Variants in MTMR7 observed in about 807,000 individuals in gnomAD.
The protein encoded by MTMR7 is myotubularin related protein 7, also known as phosphatidylinositol-3-phosphate phosphatase MTMR7.
In MTMR7, 76 loss-of-function variants were observed where a neutral mutation model predicts 81.2. The ratio of observed to expected loss-of-function variants is 0.94; its 90% confidence interval spans 0.78 to 1.13. The LOEUF is 1.13. Among genes scored for constraint, MTMR7 ranks in the 50% most tolerant of loss-of-function variants. The probability of loss-of-function intolerance (pLI) is 0.00; values close to 1 mark genes in which losing one functional copy is unlikely to be tolerated. For synonymous variants in MTMR7, 372 were observed against 289.8 expected, an observed-to-expected ratio of 1.28 and a Z score of -2.88; for missense variants, 1,044 against 820.0, an observed-to-expected ratio of 1.27 and a Z score of -3.34.
intron 11 of MTMR7, among the ~76,000 whole-genome samples, chr8:17,305,268 C>T (rs1332833699): frequency 6.6e-6 from 1 of 152,208 alleles, no homozygotes; most frequent in African/African-American, 2.4e-5. Flanking sequence ...TGTATACTGC[C>T]TAAATCACTT....
chr8:17,313,119 A>T (rs148792753), intron 8 of MTMR7, among the ~76,000 whole-genome samples, 173 bp downstream of exon 8: 44 of 152,336 alleles, frequency 2.9e-4, no homozygotes, highest in African/African-American at 1.0e-3. Flanking sequence ...TAAGCATTGT[A>T]TTCTTTCGCA....
chr8:17,411,722 A>G (rs895874318), intron 1 of MTMR7, among the ~76,000 whole-genome samples: 10 of 152,204 alleles, frequency 6.6e-5, no homozygotes, highest in Non-Finnish European at 1.3e-4. Context: ...CACCAATTTT[A>G]AGAGTAAGAA....
chr8:17,302,256 G>A lies in MTMR7; in HGVS notation c.1518C>T (p.Arg506=), dbSNP rs1385195524. Residue 506 remains arginine (R), a synonymous_variant, in exon 13 of 14, where the codon CGC becomes CGT. Coordinates refer to ENST00000180173, the MANE Select transcript of MTMR7 (RefSeq NM_004686.5). ...GTCGGGGCTGCATCCCCTTTTCAAA[G>A]CGGTTATACATTCCACTCCAAAACC... ...MYKFWSGMYN[R]FEKGMQPRQS... is the part of the protein sequence containing the mutation. The A allele has an allele frequency of 6.2e-7, 1 of 1,613,858 alleles. No homozygotes were observed. The highest frequency in any genetic ancestry group is 1.7e-5 in the Admixed American group (1 of 59,988).
intron 1 of MTMR7, among the ~76,000 whole-genome samples, chr8:17,388,498 C>T (rs771921599): frequency 1.1e-4 from 17 of 152,136 alleles, no homozygotes; most frequent in Admixed American, 3.3e-4. Flanking sequence ...GAGAACAAGA[C>T]CTTGCTTTGA....
intron 7 of MTMR7, among the ~76,000 whole-genome samples, chr8:17,325,106 G>A (rs1191755973): frequency 2.6e-5 from 4 of 152,080 alleles, no homozygotes; most frequent in East Asian, 1.9e-4. Flanking sequence ...AATGTGTCGA[G>A]CAAAAGGGAC....
At chr8:17,344,193 A>G (rs890507136) in intron 5 of MTMR7, among the ~76,000 whole-genome samples, 1 of 152,240 alleles carries the variant, frequency 6.6e-6, no homozygotes, top group African/African-American at 2.4e-5. Context: ...TCAAAGTCAC[A>G]CAGTTAGTAA....
At chr8:17,392,165 A>T (rs1000751875) in intron 1 of MTMR7, among the ~76,000 whole-genome samples, 1 of 152,318 alleles carries the variant, frequency 6.6e-6, no homozygotes, top group East Asian at 1.9e-4. Context: ...TGGGAAAAAA[A>T]GCAATAAAAA....
intron 4 of MTMR7, among the ~76,000 whole-genome samples, chr8:17,358,473 T>C (rs1221908197): frequency 6.6e-6 from 1 of 152,198 alleles, no homozygotes; most frequent in Non-Finnish European, 1.5e-5. Context: ...CACATACCTC[T>C]GTCAGAATCA....
chr8:17,349,256 T>TG (rs1414697333), intron 4 of MTMR7, 175 bp from the exon 5 acceptor site: 5 of 625,986 alleles, frequency 8.0e-6, no homozygotes, highest in Non-Finnish European at 1.3e-5. Context: ...GAAGTGCCGC[T>TG]GATTCTATGT....
chr8:17,368,925 A>G (rs937802135), intron 3 of MTMR7, among the ~76,000 whole-genome samples: 12 of 152,196 alleles, frequency 7.9e-5, no homozygotes, highest in Non-Finnish European at 1.5e-4. Context: ...AGGAAAAAGT[A>G]TCTCTTTTCG....
At position 17,299,043 on chromosome 8, in the gene MTMR7, G is replaced by A. The variant is rs1319031403; in HGVS notation, c.*819C>T. ...TAATGTGATACTTTGAGATCAGGCTGGTGGCTGGCCCACACTGTCGGTAGT... is the reference window on the plus strand; with the variant it reads ...TAATGTGATACTTTGAGATCAGGCTAGTGGCTGGCCCACACTGTCGGTAGT... On this transcript the variant is annotated 3_prime_UTR_variant, in exon 14 of 14. Transcript: ENST00000180173. 3.3e-5 allele frequency: 5 copies of A among 152,156 alleles called. No homozygotes were observed. The highest frequency in any genetic ancestry group is 7.4e-5 in the Non-Finnish European group (5 of 68,024). The allele number at this position is 152,156 out of a possible 1,614,324, so 9.4% of individuals were successfully genotyped here. A position where few individuals can be genotyped will look rare whatever the true frequency, so the allele number is the denominator to read the frequency against.
chr8:17,345,235 T>C (rs1297622015), intron 5 of MTMR7, among the ~76,000 whole-genome samples: 1 of 152,262 alleles, frequency 6.6e-6, no homozygotes, highest in Non-Finnish European at 1.5e-5. Flanking sequence ...TGCCACGCTC[T>C]GCTCCTGCAG....
At position 17,299,674 on chromosome 8, in the gene MTMR7, G is replaced by A. The variant is rs1018082188; in HGVS notation, c.*188C>T. On this transcript the variant is annotated 3_prime_UTR_variant, in exon 14 of 14. Transcript: ENST00000180173. Reference sequence around the variant, plus strand: ...ATAATTTTCCTTATATTTGATAAATGAAATGACTACGTCCTCTTCAGTATC... The same window carrying A: ...ATAATTTTCCTTATATTTGATAAATAAAATGACTACGTCCTCTTCAGTATC... 1.4e-6 allele frequency: 1 copy of A among 710,278 alleles called. No individual in the cohort carries two copies. The highest frequency in any genetic ancestry group is 2.3e-6 in the Non-Finnish European group (1 of 442,656). 44.0% of individuals were successfully genotyped at this position (710,278 alleles called of 1,614,324 possible).
rs190962152 is a variant in MTMR7, at chr8:17,300,319, G to T, written c.1621-95C>A. The T allele has an allele frequency of 2.7e-5, 36 of 1,309,242 alleles. No homozygotes were observed. In the East Asian group the frequency reaches 6.9e-4, roughly 25 times the overall value. 81.1% of individuals were successfully genotyped at this position (1,309,242 alleles called of 1,614,324 possible). On this transcript the variant is annotated intron_variant, in intron 13 of 13. Transcript: ENST00000180173. ...TTAGCATTTGTTACCTCCCACGTGG[G>T]TATAATGTTAAGAACATGTGACTCA...
chr8:17,336,799 G>T (rs1297194076), intron 6 of MTMR7, among the ~76,000 whole-genome samples: 1 of 152,154 alleles, frequency 6.6e-6, no homozygotes, highest in Non-Finnish European at 1.5e-5. Context: ...AGGTTCTCTG[G>T]CCTCGTCAGG....
intron 1 of MTMR7, among the ~76,000 whole-genome samples, chr8:17,394,972 T>C (rs1317247245): frequency 2.0e-5 from 3 of 152,164 alleles, no homozygotes; most frequent in Admixed American, 2.0e-4. Flanking sequence ...TATAATTCAG[T>C]GGCGTTAAGT....
intron 10 of MTMR7, among the ~76,000 whole-genome samples, chr8:17,306,600 C>T (rs1347295136): frequency 1.3e-5 from 2 of 152,100 alleles, no homozygotes; most frequent in East Asian, 3.8e-4. Context: ...GCCCTTTACA[C>T]TACTGTGTGA....
intron 7 of MTMR7, among the ~76,000 whole-genome samples, chr8:17,314,807 C>A (rs972507945): frequency 6.6e-6 from 1 of 152,208 alleles, no homozygotes; most frequent in Admixed American, 6.5e-5. Context: ...ACCTGATATG[C>A]AGTCGGTGAA....
chr8:17,327,142 C>G (rs67526723), intron 7 of MTMR7, among the ~76,000 whole-genome samples: 15,858 of 152,222 alleles, frequency 0.1, 912 homozygotes, highest in South Asian at 0.2. Context: ...TAGTATTTTT[C>G]ATGGATGCAA....
Sources: allele counts gnomAD v4.1 joint callset (sites outside exome capture counted in the v4.1 genomes callset), GRCh38; gene constraint gnomAD v4.1.1; transcripts MANE v1.5; gene names NCBI Gene and HGNC (gene_info 2026-07-23, HGNC 2026-07-21).